The following CDH18 variants were observed in gnomAD, a reference collection of about 807,000 sequenced individuals.
CDH18 encodes cadherin 18.
CDH18 carries 31 observed loss-of-function variants against 67.9 expected under a neutral mutation model. The observed-to-expected ratio is 0.46, with a 90% CI of 0.34 to 0.62. CDH18 has a LOEUF of 0.62. Ranked by LOEUF, CDH18 falls within the 20% of genes least tolerant of loss-of-function variation. The pLI, the probability that CDH18 is intolerant of heterozygous loss-of-function variation, is 0.01. For synonymous variants in CDH18, 362 were observed against 347.2 expected (o/e 1.04, Z -0.48); for missense variants, 890 against 975.5 (o/e 0.91, Z 1.17).
intron 1 of CDH18, among the ~76,000 whole-genome samples, chr5:20,569,006 A>G (rs1758662879): frequency 6.6e-6 from 1 of 152,182 alleles, no homozygotes; most frequent in Admixed American, 6.5e-5. Flanking sequence ...TGCATAATGC[A>G]CCCATATTCA....
chr5:19,682,196 T>C (rs1760437487), intron 5 of CDH18, among the ~76,000 whole-genome samples: 1 of 152,122 alleles, frequency 6.6e-6, no homozygotes, highest in Non-Finnish European at 1.5e-5. Context: ...TCTTCAATTC[T>C]GCCAACAGGC....
chr5:19,477,129 G>A (rs1048994614), intron 12 of CDH18, among the ~76,000 whole-genome samples: 1 of 146,978 alleles, frequency 6.8e-6, no homozygotes, highest in Non-Finnish European at 1.5e-5. Flanking sequence ...AATAAAAGGA[G>A]ATATATATAT....
chr5:19,643,599 T>C (rs1754335441), intron 5 of CDH18, among the ~76,000 whole-genome samples: 1 of 152,122 alleles, frequency 6.6e-6, no homozygotes, highest in Admixed American at 6.5e-5. Flanking sequence ...ACTGCATAAT[T>C]CCACATACAT....
intron 5 of CDH18, among the ~76,000 whole-genome samples, chr5:19,629,087 T>G (rs562727932): frequency 1.3e-5 from 2 of 152,314 alleles, no homozygotes; most frequent in East Asian, 3.9e-4. Context: ...ACTGTGGCAG[T>G]CTGCCCTAAA....
chr5:19,680,402 G>T (rs1156776713), intron 5 of CDH18, among the ~76,000 whole-genome samples: 1 of 151,930 alleles, frequency 6.6e-6, no homozygotes, highest in Non-Finnish European at 1.5e-5. Context: ...AAAATCAATT[G>T]CAACAAAAAC....
intron 2 of CDH18, among the ~76,000 whole-genome samples, chr5:19,904,841 G>T (rs1790362513): frequency 6.6e-6 from 1 of 152,116 alleles, no homozygotes. Context: ...ACAGGAGGAG[G>T]AAGGTCCTTA....
intron 2 of CDH18, among the ~76,000 whole-genome samples, chr5:20,043,170 T>C (rs1205483964): frequency 2.6e-5 from 4 of 152,080 alleles, no homozygotes; most frequent in African/African-American, 7.2e-5. Flanking sequence ...AGTAATGTCA[T>C]GACTATCAGT....
At chr5:20,289,576 C>T (rs1353981553) in intron 1 of CDH18, among the ~76,000 whole-genome samples, 1 of 151,852 alleles carries the variant, frequency 6.6e-6, no homozygotes, top group East Asian at 1.9e-4. Flanking sequence ...ACCCTAGGAC[C>T]ACAGTCAATA....
chr5:19,676,118 C>T (rs1759451245), intron 5 of CDH18, among the ~76,000 whole-genome samples: 1 of 151,886 alleles, frequency 6.6e-6, no homozygotes, highest in African/African-American at 2.4e-5. Flanking sequence ...GAAGACTGGT[C>T]TCTGAAATAA....
intron 1 of CDH18, among the ~76,000 whole-genome samples, chr5:19,981,892 A>G (rs1799079969): frequency 6.6e-6 from 1 of 152,120 alleles, no homozygotes; most frequent in African/African-American, 2.4e-5. Flanking sequence ...ATCTCTTGAC[A>G]ATTTTTTTCT....
At position 20,559,067 on chromosome 5, in the gene CDH18, G is replaced by A. The variant is rs1464896835; in HGVS notation, c.-580+16395C>T. On this transcript the variant is annotated intron_variant, in intron 1 of 14. Transcript: ENST00000507958. ...GGCAGACTAGATTAATTCCTACAAA[G>A]GGCCCAAATATTTCTTCCTTCTGAT... Among the ~76,000 whole-genome samples the A allele has an allele frequency of 4.7e-5, 7 of 150,072 alleles. No homozygotes were observed. The Admixed American group carries it at 4.7e-4, about 10-fold the overall frequency.
At chr5:20,390,697 T>C (rs1005660493) in intron 1 of CDH18, among the ~76,000 whole-genome samples, 1 of 152,180 alleles carries the variant, frequency 6.6e-6, no homozygotes, top group African/African-American at 2.4e-5. Flanking sequence ...CGTATGTTTA[T>C]TGCGGCACTA....
At chr5:20,283,982 A>T (rs1746488378) in intron 1 of CDH18, among the ~76,000 whole-genome samples, 1 of 152,022 alleles carries the variant, frequency 6.6e-6, no homozygotes, top group African/African-American at 2.4e-5. Context: ...TGTTAAGTAA[A>T]ATAAGCCAAG....
intron 2 of CDH18, among the ~76,000 whole-genome samples, chr5:20,032,103 T>C (rs1739450824): frequency 1.3e-5 from 2 of 152,028 alleles, no homozygotes; most frequent in South Asian, 4.1e-4. Context: ...CTATTTCTTC[T>C]TTATCCTCAA....
At chr5:20,558,209 A>G (rs1265256858) in intron 1 of CDH18, among the ~76,000 whole-genome samples, 1 of 152,108 alleles carries the variant, frequency 6.6e-6, no homozygotes, top group Non-Finnish European at 1.5e-5. Flanking sequence ...TCATAATTTA[A>G]CACTTGGGCA....
At position 19,639,357 on chromosome 5, in the gene CDH18, G is replaced by C. The variant is rs57817348; in HGVS notation, c.644-26756C>G. ...GTGCGAAGATGGCTAGAAACAAAGA[G>C]GAAGAGTAGAGGTTATTAGTAGCAG... On this transcript the variant is annotated intron_variant, in intron 5 of 12. Coordinates refer to ENST00000382275, the MANE Select transcript of CDH18 (RefSeq NM_004934.5). 3.8e-3 allele frequency among the ~76,000 whole-genome samples: 575 copies of C among 152,264 alleles called. 2 individuals are homozygous for C. The highest frequency in any genetic ancestry group is 0.013 in the African/African-American group (543 of 41,552).
chr5:19,473,848 C>T (rs1197817046), intron 12 of CDH18, 132 bp from the exon 13 acceptor site: 10 of 737,906 alleles, frequency 1.4e-5, no homozygotes, highest in African/African-American at 5.3e-5. Context: ...CATTGCAGCA[C>T]AACTCACTCT....
At position 20,148,818 on chromosome 5, in the gene CDH18, T is replaced by C. The variant is rs141092367; in HGVS notation, c.-518+106626A>G. On this transcript the variant is annotated intron_variant, in intron 2 of 14. Coordinates refer to the CDH18 transcript ENST00000507958. ...TCAGTTTGACAAAAGCTCTGTCACA[T>C]AAAATACATGGATTCCTAGGTCTTC... 6.4e-4 allele frequency among the ~76,000 whole-genome samples: 98 copies of C among 152,214 alleles called. No homozygotes were observed. In the South Asian group the frequency reaches 0.017, roughly 27 times the overall value.
intron 2 of CDH18, chr5:19,878,129 C>T (rs1225277429): frequency 6.6e-6 from 1 of 151,980 alleles, no homozygotes; most frequent in Non-Finnish European, 1.5e-5. Context: ...TTCCAAAATA[C>T]TTTTCCCTTT....
Sources: allele counts gnomAD v4.1 joint callset (sites outside exome capture counted in the v4.1 genomes callset), GRCh38; gene constraint gnomAD v4.1.1; transcripts MANE v1.5; gene names NCBI Gene and HGNC (gene_info 2026-07-23, HGNC 2026-07-21).